AP2A1: variants seen among roughly 807,000 people sequenced by gnomAD.
AP2A1 encodes AP-2 complex subunit alpha-1.
In AP2A1, 21 loss-of-function variants were observed where a neutral mutation model predicts 107.3. The observed-to-expected ratio is 0.20, with a 90% CI of 0.14 to 0.28. AP2A1 has a LOEUF of 0.28. AP2A1 is among the 10% of genes least tolerant of loss of function. The pLI, the probability that AP2A1 is intolerant of heterozygous loss-of-function variation, is 1.00. For missense variants in AP2A1, 873 were observed against 1,307.7 expected, an observed-to-expected ratio of 0.67 and a Z score of 5.13; for synonymous variants, 602 against 564.8, an observed-to-expected ratio of 1.07 and a Z score of -0.93.
chr19:49,784,984 T>C (rs1201017647), intron 4 of AP2A1, among the ~76,000 whole-genome samples: 2 of 152,156 alleles, frequency 1.3e-5, no homozygotes, highest in Admixed American at 1.3e-4. Context: ...GGCCTGGCAG[T>C]AGAACTGAAG....
rs2084509587 is a variant in AP2A1, at chr19:49,767,052, C to G, written c.-82C>G. On this transcript the variant is annotated 5_prime_UTR_variant, in exon 1 of 23. Transcript: ENST00000354293. ...TCGGCTCCTTGGCGCTGCCTGGGGTCCTTTCCGCCCGGTCCCCGCTTGCCA... is the reference window on the plus strand; with the variant it reads ...TCGGCTCCTTGGCGCTGCCTGGGGTGCTTTCCGCCCGGTCCCCGCTTGCCA... 6.9e-7 allele frequency: 1 copy of G among 1,448,194 alleles called. No individual in the cohort carries two copies. Among genetic ancestry groups the G allele is most frequent in the African/African-American group, 1.5e-5 (1 of 68,268 alleles). 89.7% of individuals were successfully genotyped at this position (1,448,194 alleles called of 1,614,324 possible). A position where few individuals can be genotyped will look rare whatever the true frequency, so the allele number is the denominator to read the frequency against.
intron 3 of AP2A1, 138 bp downstream of exon 3, chr19:49,782,227 G>C: frequency 1.3e-6 from 1 of 749,450 alleles, no homozygotes; most frequent in Non-Finnish European, 2.1e-6. Flanking sequence ...GAGGGGGTCT[G>C]GGGCTCTGGA....
At chr19:49,806,545 G>C in intron 22 of AP2A1, 136 bp from the exon 23 acceptor site, 2 of 1,479,690 alleles carry the variant, frequency 1.4e-6, no homozygotes, top group African/African-American at 1.4e-5. Context: ...GTTGATTTCA[G>C]TCTTACATTT....
Position 49,798,661 on chromosome 19 carries a change from C to T in AP2A1, c.815-141C>T, listed in dbSNP as rs957766978. The T allele has an allele frequency of 1.2e-5, 13 of 1,130,240 alleles. No homozygotes were observed. The African/African-American group carries it at 1.7e-4, about 15-fold the overall frequency. The allele number at this position is 1,130,240 out of a possible 1,614,324, so 70.0% of individuals were successfully genotyped here. On this transcript the variant is annotated intron_variant, in intron 7 of 22. Transcript: ENST00000354293. ...AGGTTGAGGGAGCAGAGACCCTGGCCCTGAGCTGCAGAATTCTCGAGTGTC... is the reference window on the plus strand; with the variant it reads ...AGGTTGAGGGAGCAGAGACCCTGGCTCTGAGCTGCAGAATTCTCGAGTGTC...
At chr19:49,778,935 C>T (rs1600219426) in intron 1 of AP2A1, among the ~76,000 whole-genome samples, 2 of 151,140 alleles carry the variant, frequency 1.3e-5, no homozygotes, top group Non-Finnish European at 2.9e-5. Flanking sequence ...GTGGCTCATA[C>T]CTGTAATCCC....
At chr19:49,772,258 T>G (rs201847311) in intron 1 of AP2A1, among the ~76,000 whole-genome samples, 87 of 104,652 alleles carry the variant, frequency 8.3e-4, no homozygotes, top group East Asian at 2.1e-3. Context: ...TTTTTTTTTT[T>G]TTTTTTTTTT....
At chr19:49,791,869 G>A in intron 4 of AP2A1, 66 bp from the exon 5 acceptor site, 1 of 1,525,916 alleles carries the variant, frequency 6.6e-7, no homozygotes, top group Non-Finnish European at 8.8e-7. Context: ...AACAGGAGAG[G>A]AGGGGAGGTG....
In AP2A1 at chr19:49,793,007, C is replaced by T; in HGVS notation, c.620C>T (p.Ala207Val). The change falls in exon 6 of 23, where the codon GCC becomes GTC. Residue 207 changes from alanine (A) to valine (V), a missense_variant. Ala to Val is a moderately conservative substitution (Grantham distance 64, BLOSUM62 0). Coordinates refer to ENST00000354293, the MANE Select transcript of AP2A1 (RefSeq NM_130787.3). ...CCCCTGCAGGGTGTGGTCACGGCCG[C>T]CGTCAGCCTCATCACCTGTCTCTGC... ...NDQHMGVVTAAVSLITCLCKK... is the reference protein window; with the variant it reads ...NDQHMGVVTAVVSLITCLCKK... The T allele has an allele frequency of 1.2e-6, 2 of 1,606,152 alleles. No homozygotes were observed. Among genetic ancestry groups the T allele is most frequent in the Non-Finnish European group, 1.7e-6 (2 of 1,176,560 alleles).
intron 1 of AP2A1, among the ~76,000 whole-genome samples, chr19:49,768,967 T>A (rs2084530633): frequency 6.6e-6 from 1 of 152,162 alleles, no homozygotes; most frequent in South Asian, 2.1e-4. Flanking sequence ...ATTCCTGTTC[T>A]TGCTGGTCAT....
intron 4 of AP2A1, 102 bp downstream of exon 4, chr19:49,782,826 A>G: frequency 7.5e-7 from 1 of 1,338,294 alleles, no homozygotes. Context: ...AAGGTCTCCC[A>G]GCCGAGATGT....
chr19:49,768,589 A>G (rs2084526974), intron 1 of AP2A1, among the ~76,000 whole-genome samples: 1 of 152,126 alleles, frequency 6.6e-6, no homozygotes, highest in Non-Finnish European at 1.5e-5. Context: ...TTGTTTTAGA[A>G]TTTAACTGTT....
At chr19:49,782,401 G>A in intron 3 of AP2A1, 130 bp from the exon 4 acceptor site, 1 of 1,040,828 alleles carries the variant, frequency 9.6e-7, no homozygotes, top group Non-Finnish European at 1.4e-6. Context: ...GTCTGAGGGA[G>A]GAGGGGCCTG....
intron 1 of AP2A1, among the ~76,000 whole-genome samples, chr19:49,779,702 G>A (rs1812801987): frequency 6.6e-6 from 1 of 152,174 alleles, no homozygotes; most frequent in Non-Finnish European, 1.5e-5. Flanking sequence ...ACATGCGTGA[G>A]CCACCACGCC....
chr19:49,779,033 CAA>C (rs35911768), intron 1 of AP2A1, among the ~76,000 whole-genome samples: 14 of 120,914 alleles, frequency 1.2e-4, no homozygotes, highest in Admixed American at 1.7e-4. Flanking sequence ...TCATTGCTAC[CAA>C]AAAAAAAAAA....
chr19:49,803,729 C>T (rs141809136), intron 18 of AP2A1: 110 of 365,650 alleles, frequency 3.0e-4, no homozygotes, highest in African/African-American at 2.1e-3. Context: ...GGTCCAGACG[C>T]TGATCAGGCC....
At chr19:49,793,514 C>T (rs1036085763) in intron 6 of AP2A1, among the ~76,000 whole-genome samples, 7 of 152,192 alleles carry the variant, frequency 4.6e-5, no homozygotes, top group South Asian at 2.1e-4. Flanking sequence ...TCCTGCCTGG[C>T]GTCCCTCTCC....
intron 9 of AP2A1, 36 bp downstream of exon 9, chr19:49,799,531 C>T (rs1286807174): frequency 6.2e-7 from 1 of 1,605,652 alleles, no homozygotes; most frequent in Admixed American, 1.7e-5. Flanking sequence ...GGCCTGCCAC[C>T]CCCCTCAGAA....
Position 49,801,544 on chromosome 19 carries a change from C to G in AP2A1, c.1708C>G (p.Arg570Gly). The stretch of plus-strand genomic sequence containing the variant: ...CGTCCTGCGGGCCGGCTCCCAGCTG[C>G]GCAATGCTGACGTGGAGCTGCAGCA... ...QGVLRAGSQL[R>G]NADVELQQRA... Residue 570 changes from arginine (R) to glycine (G), a missense_variant, in exon 13 of 23, where the codon CGC becomes GGC. Arg to Gly is a moderately radical substitution (Grantham distance 125). Coordinates refer to ENST00000354293, the MANE Select transcript of AP2A1 (RefSeq NM_130787.3). 6.2e-7 allele frequency: 1 copy of G among 1,613,490 alleles called. No individual in the cohort carries two copies. The highest frequency in any genetic ancestry group is 8.5e-7 in the Non-Finnish European group (1 of 1,179,820).
Position 49,767,081 on chromosome 19 carries a change from C to G in AP2A1, c.-53C>G, listed in dbSNP as rs1390540515. 4.4e-6 allele frequency: 7 copies of G among 1,573,660 alleles called. No homozygotes were observed. Among genetic ancestry groups the G allele is most frequent in the Middle Eastern group, 2.3e-4 (1 of 4,430 alleles). ...TCCGCCCGGTCCCCGCTTGCCAGCC[C>G]CCGCTGCTCTGTGCCCTGTCCGGCC... is the stretch of plus-strand genomic sequence containing the variant. On this transcript the variant is annotated 5_prime_UTR_variant, in exon 1 of 23. Coordinates refer to ENST00000354293, the MANE Select transcript of AP2A1 (RefSeq NM_130787.3).
Sources: gnomAD v4.1 joint callset for allele counts (sites outside exome capture counted in the v4.1 genomes callset) on GRCh38, gnomAD v4.1.1 for gene constraint, MANE v1.5 for transcripts, NCBI Gene and HGNC (gene_info 2026-07-23, HGNC 2026-07-21) for gene names.